Variants in ZSWIM5 observed in about 807,000 individuals in gnomAD.
ZSWIM5 encodes the protein zinc finger SWIM domain-containing protein 5.
Under a neutral mutation model 119.6 loss-of-function variants are expected in ZSWIM5, and 55 were observed. The observed-to-expected ratio is 0.46, with a 90% CI of 0.37 to 0.58. The LOEUF is 0.58. Ranked by LOEUF, ZSWIM5 falls within the 20% of genes least tolerant of loss-of-function variation. The probability of loss-of-function intolerance (pLI) is 0.00; values close to 1 mark genes in which losing one functional copy is unlikely to be tolerated. For missense variants in ZSWIM5, 1,193 were observed against 1,512.8 expected, an observed-to-expected ratio of 0.79 and a Z score of 3.51; for synonymous variants, 537 against 606.9, an observed-to-expected ratio of 0.88 and a Z score of 1.69.
intron 12 of ZSWIM5, 135 bp downstream of exon 12, chr1:45,020,490 A>G: frequency 1.8e-6 from 2 of 1,089,442 alleles, no homozygotes; most frequent in Non-Finnish European, 1.3e-6. Flanking sequence ...CCTTTTCCCT[A>G]GCCTAGAACT....
intron 1 of ZSWIM5, among the ~76,000 whole-genome samples, chr1:45,191,341 AT>A (rs1646092070): frequency 6.6e-6 from 1 of 152,178 alleles, no homozygotes; most frequent in South Asian, 2.1e-4. Context: ...CAGCCCGTGA[AT>A]CAGCTGACAG....
intron 1 of ZSWIM5, among the ~76,000 whole-genome samples, chr1:45,140,512 GAACA>G (rs137922904): frequency 0.069 from 10,452 of 152,102 alleles, 447 homozygotes; most frequent in Non-Finnish European, 0.1. Context: ...AATAAGAAGA[GAACA>G]AAGAACAGAT....
intron 2 of ZSWIM5, among the ~76,000 whole-genome samples, chr1:45,082,869 G>A (rs1570074336): frequency 6.6e-6 from 1 of 152,152 alleles, no homozygotes; most frequent in Admixed American, 6.5e-5. Context: ...CAGTTGTGGT[G>A]AAAAAGACAG....
chr1:45,122,933 T>C (rs1258475594), intron 1 of ZSWIM5, among the ~76,000 whole-genome samples: 2 of 152,112 alleles, frequency 1.3e-5, no homozygotes, highest in Non-Finnish European at 2.9e-5. Flanking sequence ...TGAAGCCCAG[T>C]GGAAAATCAG....
At chr1:45,129,227 C>G (rs1001182979) in intron 1 of ZSWIM5, among the ~76,000 whole-genome samples, 3 of 140,634 alleles carry the variant, frequency 2.1e-5, no homozygotes, top group East Asian at 4.5e-4. Context: ...TGCGCAATCT[C>G]AGCTCACTGC....
At chr1:45,156,555 G>A (rs78705662) in intron 1 of ZSWIM5, among the ~76,000 whole-genome samples, 2,892 of 151,992 alleles carry the variant, frequency 0.019, 117 homozygotes, top group East Asian at 0.13. Context: ...CCAAGACAGG[G>A]GACTCTGGAG....
At chr1:45,087,839 T>G in intron 2 of ZSWIM5, 42 bp downstream of exon 2, 1 of 1,469,502 alleles carries the variant, frequency 6.8e-7, no homozygotes, top group East Asian at 2.3e-5. Flanking sequence ...ACAGTGGTGA[T>G]GAAAAAGACC....
chr1:45,018,843 G>C lies in ZSWIM5; in HGVS notation c.3169C>G (p.Leu1057Val), dbSNP rs754444138. 2.5e-6 allele frequency: 4 copies of C among 1,614,246 alleles called. No individual in the cohort carries two copies. Among genetic ancestry groups the C allele is most frequent in the Non-Finnish European group, 3.4e-6 (4 of 1,180,046 alleles). Reference sequence around the variant, plus strand: ...ACCACCAGGGGGATGAGAGCTGCCAGCTCATTCTTGCCCAGAGAGTGGCTG... The same window carrying C: ...ACCACCAGGGGGATGAGAGCTGCCACCTCATTCTTGCCCAGAGAGTGGCTG... ...ALSHSLGKNE[L>V]AALIPLVVKS... is the part of the protein sequence containing the mutation. The change falls in exon 14 of 14, where the codon CTG becomes GTG. Residue 1057 changes from leucine to valine, a missense_variant. By Grantham distance (32) the Leu-to-Val change is conservative (BLOSUM62 1). Transcript: ENST00000359600. This position sits in a 1 kb window ranked among gnomAD's most constrained non-coding sequence, Gnocchi z 6.7.
intron 1 of ZSWIM5, among the ~76,000 whole-genome samples, chr1:45,191,245 G>T (rs2105458): frequency 0.33 from 50,566 of 151,948 alleles, 9,624 homozygotes; most frequent in African/African-American, 0.53. Context: ...AATAGCTGGA[G>T]CTTTACGCTC....
At position 45,151,411 on chromosome 1, in the gene ZSWIM5, C is replaced by A. The variant is rs558023001; in HGVS notation, c.595+54345G>T. The stretch of plus-strand genomic sequence containing the variant: ...AAAATAAATAAATGAATATATATTT[C>A]ATTTGTTAATTTAGCCAACAAATAT... On this transcript the variant is annotated intron_variant, in intron 1 of 13. Coordinates refer to ENST00000359600, the MANE Select transcript of ZSWIM5 (RefSeq NM_020883.2). Among the ~76,000 whole-genome samples the A allele has an allele frequency of 1.1e-4, 16 of 151,998 alleles. 1 individual carries two copies. Among genetic ancestry groups the A allele is most frequent in the Admixed American group, 5.2e-4 (8 of 15,248 alleles).
intron 1 of ZSWIM5, among the ~76,000 whole-genome samples, chr1:45,184,484 G>A (rs1441659394): frequency 6.6e-6 from 1 of 152,162 alleles, no homozygotes; most frequent in Non-Finnish European, 1.5e-5. Context: ...TGTCATGATT[G>A]TATATCTAGG....
intron 1 of ZSWIM5, among the ~76,000 whole-genome samples, chr1:45,197,098 G>T (rs561292411): frequency 2.4e-4 from 36 of 152,324 alleles, no homozygotes; most frequent in Admixed American, 1.1e-3. Flanking sequence ...TGACCAATCA[G>T]AACTAAGAAA....
chr1:45,153,630 A>G (rs1037795503), intron 1 of ZSWIM5, among the ~76,000 whole-genome samples: 1 of 152,200 alleles, frequency 6.6e-6, no homozygotes, highest in African/African-American at 2.4e-5. Context: ...TTACTGCAGC[A>G]CTATTCACAA....
chr1:45,182,276 C>A (rs1288648160), intron 1 of ZSWIM5, among the ~76,000 whole-genome samples: 2 of 151,942 alleles, frequency 1.3e-5, no homozygotes, highest in Non-Finnish European at 2.9e-5. Flanking sequence ...CAGTGGCTGG[C>A]GCCTGTAGTC....
intron 1 of ZSWIM5, among the ~76,000 whole-genome samples, chr1:45,133,067 T>A (rs1645668023): frequency 6.6e-6 from 1 of 152,202 alleles, no homozygotes; most frequent in Non-Finnish European, 1.5e-5. Context: ...AGTGCCACAA[T>A]AAACATATGT....
intron 6 of ZSWIM5, among the ~76,000 whole-genome samples, chr1:45,041,922 T>C (rs540541367): frequency 6.6e-6 from 1 of 152,342 alleles, no homozygotes; most frequent in East Asian, 1.9e-4. Context: ...TTGTAAATAT[T>C]TTTCCATGTT....
chr1:45,147,584 C>CAA (rs11409330), intron 1 of ZSWIM5, among the ~76,000 whole-genome samples: 1,106 of 92,446 alleles, frequency 0.012, 29 homozygotes, highest in Middle Eastern at 0.02. Context: ...TTTACACATG[C>CAA]AAAAAAAAAA....
intron 2 of ZSWIM5, among the ~76,000 whole-genome samples, chr1:45,066,546 C>CA (rs1331765744): frequency 2.7e-5 from 4 of 150,912 alleles, no homozygotes; most frequent in Admixed American, 6.6e-5. Context: ...ACTTTTTGTT[C>CA]AAAAAAAACA....
chr1:45,121,602 CTTTTTTT>C (rs199811301), intron 1 of ZSWIM5, among the ~76,000 whole-genome samples: 2 of 136,466 alleles, frequency 1.5e-5, no homozygotes, highest in Admixed American at 7.3e-5. Flanking sequence ...TTTTCTTCTT[CTTTTTTT>C]TTTTTTTTTT....
Sources: allele counts gnomAD v4.1 joint callset (sites outside exome capture counted in the v4.1 genomes callset), GRCh38; gene constraint gnomAD v4.1.1; non-coding constraint Gnocchi (gnomAD v3.1); transcripts MANE v1.5; gene names NCBI Gene and HGNC (gene_info 2026-07-23, HGNC 2026-07-21).